The following LDB2 variants were observed in gnomAD, a reference collection of about 807,000 sequenced individuals.
The protein encoded by LDB2 is LIM domain binding 2, also known as LIM domain-binding protein 2.
A neutral mutation model predicts 44.3 loss-of-function variants in LDB2; 12 were observed. That is an observed-to-expected ratio of 0.27 (90% CI 0.17 to 0.44). The LOEUF (loss-of-function observed/expected upper bound fraction) is 0.44. Ranked by LOEUF, LDB2 falls within the 20% of genes least tolerant of loss-of-function variation. The probability of loss-of-function intolerance (pLI) is 1.00; values close to 1 mark genes in which losing one functional copy is unlikely to be tolerated. For missense variants in LDB2, 344 were observed against 473.5 expected (o/e 0.73, Z 2.54); for synonymous variants, 164 against 174.8 (o/e 0.94, Z 0.49).
intron 1 of LDB2, among the ~76,000 whole-genome samples, chr4:16,811,798 C>T (rs984809157): frequency 2.0e-4 from 31 of 152,068 alleles, no homozygotes; most frequent in African/African-American, 7.2e-4. Context: ...AAGAGTGAAG[C>T]CAGGATATGC....
chr4:16,690,516 AGGG>A (rs1462276989), intron 2 of LDB2, among the ~76,000 whole-genome samples: 69 of 2,994 alleles, frequency 0.023, no homozygotes, highest in Non-Finnish European at 0.033. Flanking sequence ...GGAGGGAGGG[AGGG>A]GGGAGGGAGG....
Position 16,791,578 on chromosome 4 carries a change from A to ACAGC in LDB2, c.133-32322_133-32319dup, listed in dbSNP as rs1775766599. The stretch of plus-strand genomic sequence containing the variant: ...TCAGAAAAAAAAAAAAAAAAGAAAG[A>ACAGC]CAGCCATTACAAATAGAAGCAGCTG... On this transcript the variant is annotated intron_variant, in intron 1 of 7. Coordinates refer to ENST00000304523, the MANE Select transcript of LDB2 (RefSeq NM_001290.5). Among the ~76,000 whole-genome samples, 3 of 149,534 alleles carry ACAGC rather than the reference A, an allele frequency of 2.0e-5. No homozygotes were observed. The South Asian group carries it at 6.4e-4, about 32-fold the overall frequency.
At chr4:16,745,720 A>G (rs997464161) in intron 2 of LDB2, among the ~76,000 whole-genome samples, 5 of 152,216 alleles carry the variant, frequency 3.3e-5, no homozygotes, top group Admixed American at 6.5e-5. Context: ...TAACTACAAT[A>G]AGAAAAACAG....
chr4:16,872,057 TTTA>T (rs1716837877), intron 1 of LDB2, among the ~76,000 whole-genome samples: 1 of 152,134 alleles, frequency 6.6e-6, no homozygotes, highest in African/African-American at 2.4e-5. Flanking sequence ...TATTGTATAT[TTTA>T]TTATTATCCA....
chr4:16,726,680 T>C (rs1759540559), intron 2 of LDB2, among the ~76,000 whole-genome samples: 1 of 152,152 alleles, frequency 6.6e-6, no homozygotes, highest in East Asian at 1.9e-4. Flanking sequence ...AGGAAGACTT[T>C]AAAGGGGAGG....
intron 2 of LDB2, among the ~76,000 whole-genome samples, chr4:16,698,894 T>C (rs551319185): frequency 6.6e-6 from 1 of 152,308 alleles, no homozygotes; most frequent in African/African-American, 2.4e-5. Flanking sequence ...ATTCCTAAAG[T>C]CTCAGCAATC....
At chr4:16,591,098 A>AG (rs1718770899) in intron 3 of LDB2, among the ~76,000 whole-genome samples, 1 of 152,186 alleles carries the variant, frequency 6.6e-6, no homozygotes, top group South Asian at 2.1e-4. Flanking sequence ...TCCTTTTTAA[A>AG]GGGGGAGATT....
At chr4:16,519,584 T>C (rs1310615631) in intron 5 of LDB2, among the ~76,000 whole-genome samples, 1 of 150,298 alleles carries the variant, frequency 6.7e-6, no homozygotes, top group Non-Finnish European at 1.5e-5. Context: ...AACTTGGGGG[T>C]TTGAACCCAG....
At chr4:16,612,428 A>G (rs1211155864) in intron 2 of LDB2, among the ~76,000 whole-genome samples, 1 of 152,120 alleles carries the variant, frequency 6.6e-6, no homozygotes, top group African/African-American at 2.4e-5. Context: ...ATCCAGGAGC[A>G]GGTTTTTTGA....
chr4:16,523,058 T>C (rs1407374472), intron 5 of LDB2, among the ~76,000 whole-genome samples: 1 of 152,214 alleles, frequency 6.6e-6, no homozygotes, highest in African/African-American at 2.4e-5. Context: ...TGACTGTCTA[T>C]TGTCTGTCAC....
chr4:16,529,882 A>G (rs10805351), intron 5 of LDB2, among the ~76,000 whole-genome samples: 58,421 of 152,070 alleles, frequency 0.38, 11,620 homozygotes, highest in East Asian at 0.64. Context: ...CTGCCCATTC[A>G]GGCATTGAGT....
chr4:16,836,642 C>T (rs1784925389), intron 1 of LDB2, among the ~76,000 whole-genome samples: 1 of 152,168 alleles, frequency 6.6e-6, no homozygotes, highest in Non-Finnish European at 1.5e-5. Flanking sequence ...TCTAAGATAC[C>T]CTCCCTTTTA....
chr4:16,824,747 C>G (rs1782741148), intron 1 of LDB2, among the ~76,000 whole-genome samples: 1 of 152,264 alleles, frequency 6.6e-6, no homozygotes, highest in Non-Finnish European at 1.5e-5. Flanking sequence ...AATTTACCCA[C>G]AACACGGGTG....
At chr4:16,803,952 C>A (rs535658085) in intron 1 of LDB2, among the ~76,000 whole-genome samples, 2 of 152,100 alleles carry the variant, frequency 1.3e-5, no homozygotes, top group Non-Finnish European at 2.9e-5. Flanking sequence ...CAGGTTTTTA[C>A]CTTTAAGTAT....
intron 5 of LDB2, among the ~76,000 whole-genome samples, chr4:16,563,767 A>T (rs1743451864): frequency 6.6e-6 from 1 of 151,876 alleles, no homozygotes; most frequent in Non-Finnish European, 1.5e-5. Context: ...CTCATCAGAT[A>T]TTCTAAACCA....
intron 1 of LDB2, among the ~76,000 whole-genome samples, chr4:16,859,440 T>C (rs772738122): frequency 6.6e-6 from 1 of 152,224 alleles, no homozygotes; most frequent in Non-Finnish European, 1.5e-5. Context: ...AGTATGGCAA[T>C]ACTGAAGCTG....
At chr4:16,736,602 A>C (rs1761959028) in intron 2 of LDB2, among the ~76,000 whole-genome samples, 1 of 152,214 alleles carries the variant, frequency 6.6e-6, no homozygotes, top group Admixed American at 6.5e-5. Flanking sequence ...CCCTTGCCAC[A>C]CAAGTGGTTG....
intron 1 of LDB2, among the ~76,000 whole-genome samples, chr4:16,770,865 G>A (rs1023325908): frequency 6.6e-6 from 1 of 152,114 alleles, no homozygotes; most frequent in African/African-American, 2.4e-5. Flanking sequence ...TAGAAGCACA[G>A]GTTTTGTTCA....
At chr4:16,813,505 A>C (rs1468319972) in intron 1 of LDB2, among the ~76,000 whole-genome samples, 1 of 152,200 alleles carries the variant, frequency 6.6e-6, no homozygotes, top group African/African-American at 2.4e-5. Context: ...TTCAACACTC[A>C]AGAGAGGAGT....
Sources: allele counts gnomAD v4.1 joint callset (sites outside exome capture counted in the v4.1 genomes callset), GRCh38; gene constraint gnomAD v4.1.1; transcripts MANE v1.5; gene names NCBI Gene and HGNC (gene_info 2026-07-23, HGNC 2026-07-21).